CDH17: variants seen among roughly 807,000 people sequenced by gnomAD.
CDH17 encodes the protein cadherin 17.
Under a neutral mutation model 86.3 loss-of-function variants are expected in CDH17, and 67 were observed. The ratio of observed to expected loss-of-function variants is 0.78; its 90% CI spans 0.64 to 0.95. The LOEUF is 0.95. Among genes scored for constraint, CDH17 ranks in the 40% least tolerant of loss-of-function variants. The pLI, the probability that CDH17 is intolerant of heterozygous loss-of-function variation, is 0.00. For synonymous variants in CDH17, 367 were observed against 366.4 expected (o/e 1.00, Z -0.02); for missense variants, 993 against 1,017.6 (o/e 0.98, Z 0.33).
intron 13 of CDH17, among the ~76,000 whole-genome samples, 191 bp downstream of exon 13, chr8:94,151,677 T>C (rs1812858151): frequency 6.6e-6 from 1 of 152,210 alleles, no homozygotes; most frequent in African/African-American, 2.4e-5. Context: ...TGAGCCTAGA[T>C]GGTTATTGAT....
rs146125392 is a variant in CDH17 at position 94,198,796 on chromosome 8, T to A, written c.-20-4091A>T. ...GACAATGGATATTTGCTTAATGAGG[T>A]TGGATGGAGATGTTTCCTCATTTCT... On this transcript the variant is annotated intron_variant, in intron 1 of 17. Coordinates refer to ENST00000027335, the MANE Select transcript of CDH17 (RefSeq NM_004063.4). 6.7e-3 allele frequency among the ~76,000 whole-genome samples: 1,026 copies of A among 152,228 alleles called. 3 individuals carry two copies. Among genetic ancestry groups the A allele is most frequent in the Non-Finnish European group, 0.011 (734 of 68,014 alleles).
At chr8:94,188,912 G>C (rs1340093556) in intron 3 of CDH17, among the ~76,000 whole-genome samples, 2 of 152,158 alleles carry the variant, frequency 1.3e-5, no homozygotes, top group African/African-American at 2.4e-5. Context: ...TTCTACTCTA[G>C]GGGAGAGGCA....
chr8:94,134,563 C>G (rs1310960836), intron 15 of CDH17, among the ~76,000 whole-genome samples: 1 of 151,996 alleles, frequency 6.6e-6, no homozygotes, highest in Non-Finnish European at 1.5e-5. Flanking sequence ...CTTTATTAGT[C>G]TTGCTAGCAG....
chr8:94,200,532 CTTTTG>C (rs1301590002), intron 1 of CDH17, among the ~76,000 whole-genome samples: 660 of 50,194 alleles, frequency 0.013, 48 homozygotes, highest in South Asian at 0.022. Context: ...TTATTATTAT[CTTTTG>C]TTTTTTTTTT....
In CDH17 at chr8:94,194,649, G is replaced by A. The variant is rs59165900; in HGVS notation, c.37C>T (p.Leu13Phe). 6.2e-7 allele frequency: 1 copy of A among 1,605,062 alleles called. No homozygotes were observed. Among genetic ancestry groups the A allele is most frequent in the African/African-American group, 1.3e-5 (1 of 74,456 alleles). Residue 13 changes from leucine to phenylalanine, a missense_variant, in exon 2 of 18, where the codon CTT becomes TTT. By Grantham distance (22) the Leu-to-Phe change is conservative (BLOSUM62 0). Transcript: ENST00000027335. ...LQAHLHSLCL[L>F]MLYLATGYGQ... ...TCTTCTCTTACCAAATAAAGCATAA[G>A]AAGACACAGGGAGTGAAGATGGGCC...
At chr8:94,187,513 G>GTGAGCC (rs1813605048) in intron 3 of CDH17, among the ~76,000 whole-genome samples, 1 of 152,238 alleles carries the variant, frequency 6.6e-6, no homozygotes, top group East Asian at 1.9e-4. Context: ...TCAACTCTGT[G>GTGAGCC]TGAGCCCCTG....
upstream of CDH17, among the ~76,000 whole-genome samples, chr8:94,210,223 G>A (rs948582494): frequency 1.6e-4 from 6 of 36,632 alleles, no homozygotes; most frequent in Non-Finnish European, 2.8e-4. Flanking sequence ...AGCTTTATGC[G>A]AGTAAAAAAA....
chr8:94,130,597 G>A lies in CDH17; in HGVS notation c.2398+29C>T, dbSNP rs541787965. 3.4e-6 allele frequency: 5 copies of A among 1,455,940 alleles called. No individual in the cohort carries two copies. In the East Asian group the frequency reaches 9.2e-5, roughly 27 times the overall value. The allele number at this position is 1,455,940 out of a possible 1,614,324, so 90.2% of individuals were successfully genotyped here. ...CTCACATTTCTGAGGCCCAGGATAA[G>A]ACTCTTTGAATTAAGAAATTACACT... On this transcript the variant is annotated intron_variant, in intron 17 of 17. Coordinates refer to ENST00000027335, the MANE Select transcript of CDH17 (RefSeq NM_004063.4).
rs758983236 is a variant in CDH17, at chr8:94,174,112, A to G, written c.573T>C (p.Leu191=). 3.1e-5 allele frequency: 50 copies of G among 1,613,486 alleles called. No individual in the cohort carries two copies. The highest frequency in any genetic ancestry group is 5.0e-5 in the Admixed American group (3 of 59,986). The change falls in exon 6 of 18, where the codon CTT becomes CTC. Residue 191 remains leucine (L), a synonymous_variant. Transcript: ENST00000027335. ...CACCCCTGAACTTACCCTCTCGGGTAAGAGAGATGGCTCCCGTTTTGTTGT... is the reference window on the plus strand; with the variant it reads ...CACCCCTGAACTTACCCTCTCGGGTGAGAGAGATGGCTCCCGTTTTGTTGT... The part of the protein sequence containing the change: ...QINNKTGAIS[L]TREGSQELNP...
At chr8:94,195,607 C>T (rs1813768663) in intron 1 of CDH17, among the ~76,000 whole-genome samples, 1 of 152,170 alleles carries the variant, frequency 6.6e-6, no homozygotes, top group Non-Finnish European at 1.5e-5. Context: ...CTCCTTAAGG[C>T]TTCCCATTTC....
intron 12 of CDH17, among the ~76,000 whole-genome samples, chr8:94,156,106 A>G (rs1812944586): frequency 6.6e-6 from 1 of 152,196 alleles, no homozygotes; most frequent in Non-Finnish European, 1.5e-5. Flanking sequence ...CTGGCAAGAC[A>G]TATTCAAGTT....
chr8:94,190,871 T>A (rs1813675198), intron 2 of CDH17, among the ~76,000 whole-genome samples: 1 of 152,208 alleles, frequency 6.6e-6, no homozygotes, highest in Non-Finnish European at 1.5e-5. Flanking sequence ...GAACCTTGAC[T>A]AAGTTGGATG....
In CDH17 at chr8:94,127,531, T is replaced by C. The variant is rs1323314941; in HGVS notation, c.*709A>G. 1 of 152,186 alleles carries C rather than the reference T, an allele frequency of 6.6e-6. No homozygotes were observed. The highest frequency in any genetic ancestry group is 1.5e-5 in the Non-Finnish European group (1 of 68,032). The allele number at this position is 152,186 out of a possible 1,614,324, so 9.4% of individuals were successfully genotyped here. ...CTTTTATTTATTTATTTTTCCTGAGTCCTCACGTTTTTCTTCTCTGACAAA... is the reference window on the plus strand; with the variant it reads ...CTTTTATTTATTTATTTTTCCTGAGCCCTCACGTTTTTCTTCTCTGACAAA... On this transcript the variant is annotated 3_prime_UTR_variant, in exon 18 of 18. Coordinates refer to ENST00000027335, the MANE Select transcript of CDH17 (RefSeq NM_004063.4).
chr8:94,148,098 G>T (rs1395655042), intron 14 of CDH17, among the ~76,000 whole-genome samples: 1 of 152,246 alleles, frequency 6.6e-6, no homozygotes, highest in Admixed American at 6.5e-5. Context: ...TCCACTCAGA[G>T]CTCCTGGGGG....
intron 15 of CDH17, among the ~76,000 whole-genome samples, chr8:94,140,570 A>G (rs1395734963): frequency 1.3e-5 from 2 of 152,206 alleles, no homozygotes; most frequent in Non-Finnish European, 2.9e-5. Context: ...TAGGAAGAAT[A>G]AAGGAAACAA....
chr8:94,131,704 G>A (rs1487835984), intron 15 of CDH17, among the ~76,000 whole-genome samples: 5 of 151,936 alleles, frequency 3.3e-5, no homozygotes, highest in Admixed American at 2.0e-4. Context: ...AATACTTTGT[G>A]CACATGTACC....
intron 3 of CDH17, 70 bp downstream of exon 3, chr8:94,189,117 G>T (rs1265847761): frequency 2.0e-6 from 2 of 1,020,262 alleles, no homozygotes; most frequent in Admixed American, 4.2e-5. Flanking sequence ...CTATACAATA[G>T]ATAAGGAAGT....
At chr8:94,149,793 C>T (rs570493399) in intron 13 of CDH17, among the ~76,000 whole-genome samples, 7 of 152,292 alleles carry the variant, frequency 4.6e-5, no homozygotes, top group South Asian at 4.1e-4. Flanking sequence ...GTGCTTTCAA[C>T]GGAGCTCATT....
Position 94,168,650 on chromosome 8 carries a change from T to C in CDH17, c.1066+1747A>G, listed in dbSNP as rs191861093. 3.3e-5 allele frequency among the ~76,000 whole-genome samples: 5 copies of C among 152,244 alleles called. No homozygotes were observed. In the East Asian group the frequency reaches 9.7e-4, roughly 30 times the overall value. ...ATTTTTACAAAATAAATTCTCACCT[T>C]TAGAGAGGCAAATAGCAAGCTGAGC... is the stretch of plus-strand genomic sequence containing the variant. On this transcript the variant is annotated intron_variant, in intron 9 of 17. Coordinates refer to ENST00000027335, the MANE Select transcript of CDH17 (RefSeq NM_004063.4).
Sources: allele counts gnomAD v4.1 joint callset (sites outside exome capture counted in the v4.1 genomes callset), GRCh38; gene constraint gnomAD v4.1.1; transcripts MANE v1.5; gene names NCBI Gene and HGNC (gene_info 2026-07-23, HGNC 2026-07-21).